The following SLC29A4 variants were observed in gnomAD, a reference collection of about 807,000 sequenced individuals.
SLC29A4 encodes equilibrative nucleoside transporter 4.
Under a neutral mutation model 43.9 loss-of-function variants are expected in SLC29A4, and 36 were observed. That is an observed-to-expected ratio of 0.82 (90% CI 0.63 to 1.08). The LOEUF (loss-of-function observed/expected upper bound fraction) is 1.08. Ranked by LOEUF, SLC29A4 falls within the 50% of genes least tolerant of loss-of-function variation. SLC29A4 has a pLI of 0.00. For missense variants in SLC29A4, 869 were observed against 755.3 expected (o/e 1.15, Z -1.77); for synonymous variants, 491 against 338.0 (o/e 1.45, Z -4.97).
intron 1 of SLC29A4, among the ~76,000 whole-genome samples, chr7:5,287,391 C>G (rs1207026462): frequency 6.7e-6 from 1 of 150,172 alleles, no homozygotes; most frequent in Non-Finnish European, 1.5e-5. Flanking sequence ...ATACTCCAAC[C>G]TGGGTGACAG....
intron 7 of SLC29A4, 49 bp from the exon 8 acceptor site, chr7:5,298,939 C>G (rs1320426216): frequency 9.5e-6 from 15 of 1,582,198 alleles, no homozygotes; most frequent in Non-Finnish European, 1.2e-5. Context: ...GCCCGTGTCT[C>G]CTGTCCTCCC....
chr7:5,298,058 C>T (rs1055580031), intron 7 of SLC29A4, among the ~76,000 whole-genome samples: 1 of 152,142 alleles, frequency 6.6e-6, no homozygotes, highest in African/African-American at 2.4e-5. Context: ...GAGTGCCAGG[C>T]CATGCAGAGG....
intron 2 of SLC29A4, among the ~76,000 whole-genome samples, chr7:5,290,140 G>A (rs1166781032): frequency 6.8e-5 from 10 of 147,454 alleles, no homozygotes; most frequent in South Asian, 6.3e-4. Context: ...TGCAAGCTCC[G>A]CTTCCTGGGT....
In SLC29A4 at chr7:5,287,769, C is replaced by T. The variant is rs1324188771; in HGVS notation, c.-8-40C>T. 10 of 1,591,390 alleles carry T rather than the reference C, an allele frequency of 6.3e-6. No homozygotes were observed. In the Admixed American group the frequency reaches 1.1e-4, roughly 17 times the overall value. On this transcript the variant is annotated intron_variant, in intron 1 of 10. Coordinates refer to ENST00000396872, the MANE Select transcript of SLC29A4 (RefSeq NM_153247.4). ...GTGCATGAGCCATGGATCCCTCAGC[C>T]TTCTTCCCTCACCTGCTCTCTCTGC...
chr7:5,283,412 C>T (rs867179849), intron 1 of SLC29A4, among the ~76,000 whole-genome samples: 13 of 151,976 alleles, frequency 8.6e-5, no homozygotes, highest in African/African-American at 3.1e-4. Context: ...TCCCCTGCCC[C>T]CGCCGGCCCC....
chr7:5,283,647 G>A (rs1025865378), intron 1 of SLC29A4, among the ~76,000 whole-genome samples: 11 of 152,210 alleles, frequency 7.2e-5, no homozygotes, highest in Non-Finnish European at 1.5e-4. Context: ...GGTCCCCGGG[G>A]GGCTGCAGAA....
Position 5,298,897 on chromosome 7 carries a change from G to A in SLC29A4, c.883-91G>A, listed in dbSNP as rs1359093030. The A allele has an allele frequency of 7.0e-6, 10 of 1,438,352 alleles. No individual in the cohort carries two copies. In the East Asian group the frequency reaches 9.4e-5, roughly 14 times the overall value. The allele number at this position is 1,438,352 out of a possible 1,614,324, so 89.1% of individuals were successfully genotyped here. On this transcript the variant is annotated intron_variant, in intron 7 of 10. Coordinates refer to ENST00000396872, the MANE Select transcript of SLC29A4 (RefSeq NM_153247.4). ...CACCTGAATGTCAGCGCCAGCCCCAGTGCGGCTCTTCTGATTGGGCCTGGA... is the reference window on the plus strand; with the variant it reads ...CACCTGAATGTCAGCGCCAGCCCCAATGCGGCTCTTCTGATTGGGCCTGGA...
rs770976953 is a variant in SLC29A4, at chr7:5,297,198, C to G, written c.882C>G (p.Phe294Leu). 2 of 1,581,694 alleles carry G rather than the reference C, an allele frequency of 1.3e-6. No homozygotes were observed. Among genetic ancestry groups the G allele is most frequent in the Non-Finnish European group, 1.7e-6 (2 of 1,168,954 alleles). The change falls in exon 7 of 11, where the codon TTC becomes TTG. Residue 294 changes from phenylalanine (F) to leucine (L), a missense_variant and splice_region_variant. Phe to Leu is a conservative substitution (Grantham distance 22). Transcript: ENST00000396872. ...ACGTTGTCGCCGGGGACGTCCACTT[C>G]GTAAGTGCGCACCGCCCACCTCTGT... ...HHDVVAGDVHFEHPAPALAPN... is the reference protein window; with the variant it reads ...HHDVVAGDVHLEHPAPALAPN...
chr7:5,301,291 G>T (rs11769757), intron 10 of SLC29A4, among the ~76,000 whole-genome samples: 31,350 of 151,082 alleles, frequency 0.21, 3,418 homozygotes, highest in Middle Eastern at 0.26. Flanking sequence ...CCAGATCGGC[G>T]TGACTGGTTG....
intron 7 of SLC29A4, among the ~76,000 whole-genome samples, chr7:5,297,422 C>T (rs531663078): frequency 3.9e-5 from 6 of 152,358 alleles, no homozygotes; most frequent in South Asian, 2.1e-4. Flanking sequence ...CCACTCCACC[C>T]GCATCTGTGG....
At chr7:5,286,467 G>A (rs187040806) in intron 1 of SLC29A4, among the ~76,000 whole-genome samples, 7 of 151,020 alleles carry the variant, frequency 4.6e-5, no homozygotes, top group East Asian at 1.9e-4. Context: ...AGGTTGCAGC[G>A]AGCCAAGATT....
Position 5,302,656 on chromosome 7 carries a change from C to T in SLC29A4, c.1451-141C>T, listed in dbSNP as rs1348447454. ...GGAAGGACAGGATCCGGAGAGGGTG[C>T]TCCCAGGAGGAGCGATGGGGCAGCG... On this transcript the variant is annotated intron_variant, in intron 10 of 10. Coordinates refer to ENST00000396872, the MANE Select transcript of SLC29A4 (RefSeq NM_153247.4). 5.1e-6 allele frequency: 4 copies of T among 785,512 alleles called. No homozygotes were observed. In the African/African-American group the frequency reaches 7.1e-5, roughly 14 times the overall value. The allele number at this position is 785,512 out of a possible 1,614,324, so 48.7% of individuals were successfully genotyped here. A position where few individuals can be genotyped will look rare whatever the true frequency, so the allele number is the denominator to read the frequency against.
intron 10 of SLC29A4, among the ~76,000 whole-genome samples, chr7:5,302,511 C>A (rs1233347966): frequency 4.6e-5 from 7 of 152,178 alleles, no homozygotes; most frequent in Non-Finnish European, 1.0e-4. Context: ...CCACTGCACT[C>A]CGGTCTGGGC....
chr7:5,292,645 C>T (rs986350657), intron 5 of SLC29A4, among the ~76,000 whole-genome samples: 2 of 142,452 alleles, frequency 1.4e-5, no homozygotes, highest in Admixed American at 7.1e-5. Context: ...TGCCTAATTA[C>T]TAATACTTCA....
At position 5,294,940 on chromosome 7, in the gene SLC29A4, T is replaced by C; in HGVS notation, c.619+6T>C. 6.2e-7 allele frequency: 1 copy of C among 1,602,028 alleles called. No individual in the cohort carries two copies. Among genetic ancestry groups the C allele is most frequent in the Non-Finnish European group, 8.5e-7 (1 of 1,176,100 alleles). ...GGGGGTGATGACCGGGGAGAGTGAG[T>C]ATCTGCAGACCCCCCGGGGAGGGGG... On this transcript the variant is annotated splice_donor_region_variant and intron_variant, in intron 6 of 10. Transcript: ENST00000396872.
intron 2 of SLC29A4, among the ~76,000 whole-genome samples, chr7:5,288,360 A>C (rs1406584400): frequency 1.7e-5 from 2 of 120,002 alleles, no homozygotes; most frequent in African/African-American, 6.6e-5. Flanking sequence ...GCTGGAGTGC[A>C]CTGGTGCAAT....
rs138527969 is a variant in SLC29A4, at chr7:5,298,603, G to A, written c.883-385G>A. 7.2e-3 allele frequency among the ~76,000 whole-genome samples: 1,099 copies of A among 152,234 alleles called. 11 individuals are homozygous for A. The highest frequency in any genetic ancestry group is 0.026 in the African/African-American group (1,061 of 41,524). ...GCCCAAGAGTTTGAGATCAGCCTGG[G>A]CAACATAGCAAGACCCTGTGTCTAC... On this transcript the variant is annotated intron_variant, in intron 7 of 10. Coordinates refer to ENST00000396872, the MANE Select transcript of SLC29A4 (RefSeq NM_153247.4).
At chr7:5,294,818 G>A in intron 5 of SLC29A4, 42 bp from the exon 6 acceptor site, 1 of 1,592,924 alleles carries the variant, frequency 6.3e-7, no homozygotes. Flanking sequence ...GTTGACAGGT[G>A]ATAATGGTGC....
intron 1 of SLC29A4, among the ~76,000 whole-genome samples, chr7:5,287,200 A>G (rs1278806921): frequency 6.6e-6 from 1 of 152,282 alleles, no homozygotes; most frequent in South Asian, 2.1e-4. Flanking sequence ...CCGAGGCAGG[A>G]GTTGGAGTTG....
Sources: allele counts gnomAD v4.1 joint callset (sites outside exome capture counted in the v4.1 genomes callset), GRCh38; gene constraint gnomAD v4.1.1; transcripts MANE v1.5; gene names NCBI Gene and HGNC (gene_info 2026-07-23, HGNC 2026-07-21).